The following CUL9 variants were observed in gnomAD, a reference collection of about 807,000 sequenced individuals.
CUL9 encodes the protein cullin 9, also known as cullin-9.
Under a neutral mutation model 272.6 loss-of-function variants are expected in CUL9, and 79 were observed. The observed-to-expected ratio is 0.29, with a 90% CI of 0.24 to 0.35. The LOEUF (loss-of-function observed/expected upper bound fraction) is 0.35, where lower values mean the gene tolerates loss of function less well. Ranked by LOEUF, CUL9 falls within the 10% of genes least tolerant of loss-of-function variation. The pLI, the probability that CUL9 is intolerant of heterozygous loss-of-function variation, is 1.00. For missense variants in CUL9, 2,532 were observed against 3,255.6 expected, an observed-to-expected ratio of 0.78 and a Z score of 5.41; for synonymous variants, 1,186 against 1,286.5, an observed-to-expected ratio of 0.92 and a Z score of 1.67.
intron 7 of CUL9, 100 bp downstream of exon 7, chr6:43,188,218 G>A: frequency 1.4e-6 from 2 of 1,398,676 alleles, no homozygotes; most frequent in Non-Finnish European, 1.9e-6. Context: ...GGAGGAAGGT[G>A]ATTTTTGCAG....
chr6:43,205,317 G>C lies in CUL9; in HGVS notation c.4687G>C (p.Gly1563Arg). The change falls in exon 24 of 41, where the codon GGT becomes CGT. Residue 1563 changes from glycine (G) to arginine (R), a missense_variant. Physicochemically the swap from Gly to Arg is moderately radical, Grantham distance 125 (BLOSUM62 -2). This residue lies in a region of CUL9 where 2,218 missense variants were observed against 2,788.6 expected (regional missense o/e 0.80). Coordinates refer to ENST00000252050, the MANE Select transcript of CUL9 (RefSeq NM_015089.4). ...IDQQIQGGLI[G>R]GAPGVEMLGQ... is the part of the protein sequence containing the mutation. ...CCAACAGATCCAGGGTGGCCTGATT[G>C]GTGGAGCCCCTGGAGTGGAAATGCT... The C allele has an allele frequency of 6.2e-7, 1 of 1,614,210 alleles. No individual in the cohort carries two copies. Among genetic ancestry groups the C allele is most frequent in the Non-Finnish European group, 8.5e-7 (1 of 1,180,044 alleles).
Position 43,222,764 on chromosome 6 carries a change from T to A in CUL9, c.7033-15T>A. On this transcript the variant is annotated splice_polypyrimidine_tract_variant and intron_variant, in intron 37 of 40. Coordinates refer to ENST00000252050, the MANE Select transcript of CUL9 (RefSeq NM_015089.4). Reference sequence around the variant, plus strand: ...AGGAGAGGGCAGGCGGGAGAGCTGATGGGAGCCCCTGCAGGTGCTGGCCTA... The same window carrying A: ...AGGAGAGGGCAGGCGGGAGAGCTGAAGGGAGCCCCTGCAGGTGCTGGCCTA... The A allele has an allele frequency of 6.2e-7, 1 of 1,612,316 alleles. No homozygotes were observed. The highest frequency in any genetic ancestry group is 8.5e-7 in the Non-Finnish European group (1 of 1,178,666).
In CUL9 at chr6:43,206,129, C is replaced by G; in HGVS notation, c.4916C>G (p.Thr1639Ser). 6.2e-7 allele frequency: 1 copy of G among 1,614,148 alleles called. No homozygotes were observed. The highest frequency in any genetic ancestry group is 1.3e-5 in the African/African-American group (1 of 75,024). Residue 1639 changes from threonine (T) to serine (S), a missense_variant, in exon 25 of 41, where the codon ACC (threonine) becomes AGC (serine). Thr to Ser is a moderately conservative substitution (Grantham distance 58, BLOSUM62 1). This residue lies in a region of CUL9 where 2,218 missense variants were observed against 2,788.6 expected (regional missense o/e 0.80). Transcript: ENST00000252050. This position sits in a 1 kb window ranked among gnomAD's most constrained non-coding sequence, Gnocchi z 4.8. The part of the protein sequence containing the change: ...LPQLMLQSLS[T>S]SEELQRQFHL... ...CAGCTGATGCTGCAGAGCCTGAGCACCTCTGAGGAGCTGCAGCGCCAGTTC... is the reference window on the plus strand; with the variant it reads ...CAGCTGATGCTGCAGAGCCTGAGCAGCTCTGAGGAGCTGCAGCGCCAGTTC...
chr6:43,214,451 C>T (rs963137676), intron 29 of CUL9, among the ~76,000 whole-genome samples: 10 of 152,068 alleles, frequency 6.6e-5, no homozygotes, highest in African/African-American at 2.2e-4. Flanking sequence ...ATCTTCACAA[C>T]AATCCTAGAA....
intron 24 of CUL9, 67 bp from the exon 25 acceptor site, chr6:43,205,940 C>A: frequency 7.1e-7 from 1 of 1,413,448 alleles, no homozygotes; most frequent in Non-Finnish European, 9.9e-7. Context: ...GACCTACATT[C>A]TCGAGGGGGA....
Position 43,184,542 on chromosome 6 carries a change from G to C in CUL9, c.232G>C (p.Gly78Arg). The C allele has an allele frequency of 1.2e-6, 2 of 1,612,942 alleles. No homozygotes were observed. Among genetic ancestry groups the C allele is most frequent in the Non-Finnish European group, 1.7e-6 (2 of 1,179,098 alleles). The stretch of plus-strand genomic sequence containing the variant: ...TCCTGAGGTCTACGCCAACTGCCCT[G>C]GGCTGTTAGGTGAGCGGGCACTATC... ...SAPEVYANCP[G>R]LLGERALSKG... Residue 78 changes from glycine (G) to arginine (R), a missense_variant, in exon 2 of 41, where the codon GGG becomes CGG. Gly to Arg is a moderately radical substitution (Grantham distance 125, BLOSUM62 -2). Transcript: ENST00000252050. The surrounding 1 kb of genome is among the most constrained non-coding windows in gnomAD (Gnocchi z 4.8).
chr6:43,202,703 T>C lies in CUL9; in HGVS notation c.3648-13T>C. On this transcript the variant is annotated splice_polypyrimidine_tract_variant and intron_variant, in intron 16 of 40. Transcript: ENST00000252050. ...GAGGCCCAGCTTTGACTGTTTCCTT[T>C]CTTCTTTCCCAGGCAGCTCACTTTG... 1 of 1,612,866 alleles carries C rather than the reference T, an allele frequency of 6.2e-7. No homozygotes were observed. Among genetic ancestry groups the C allele is most frequent in the Non-Finnish European group, 8.5e-7 (1 of 1,178,910 alleles).
rs539870137 is a variant in CUL9, at chr6:43,186,295, G to A, written c.1091G>A (p.Arg364His). 34 of 1,614,178 alleles carry A rather than the reference G, an allele frequency of 2.1e-5. No individual in the cohort carries two copies. In the East Asian group the frequency reaches 2.7e-4, roughly 13 times the overall value. The change falls in exon 4 of 41, where the codon CGC becomes CAC. Residue 364 changes from arginine (R) to histidine (H), a missense_variant. Coordinates refer to ENST00000252050, the MANE Select transcript of CUL9 (RefSeq NM_015089.4). ...TTPRRQGWVFRQRSEFSSRSG... is the reference protein window; with the variant it reads ...TTPRRQGWVFHQRSEFSSRSG... ...CCCAGAAGACAAGGGTGGGTCTTCCGCCAGCGCTCTGAATTCTCCAGCCGT... is the reference window on the plus strand; with the variant it reads ...CCCAGAAGACAAGGGTGGGTCTTCCACCAGCGCTCTGAATTCTCCAGCCGT...
intron 37 of CUL9, 51 bp downstream of exon 37, chr6:43,222,692 T>A: frequency 6.2e-7 from 1 of 1,605,186 alleles, no homozygotes; most frequent in Non-Finnish European, 8.5e-7. Flanking sequence ...CAAATGGGTC[T>A]GGGGGGCTTG....
Position 43,200,899 on chromosome 6 carries a change from C to T in CUL9, c.3647+65C>T. The T allele has an allele frequency of 6.3e-7, 1 of 1,591,670 alleles. No homozygotes were observed. The highest frequency in any genetic ancestry group is 1.3e-5 in the African/African-American group (1 of 74,726). ...GATACTTCCCCAAAGCACCCAGATA[C>T]ACACAACCCCAGCTATAACCCCAAT... On this transcript the variant is annotated intron_variant, in intron 16 of 40. Transcript: ENST00000252050. This position sits in a 1 kb window ranked among gnomAD's most constrained non-coding sequence, Gnocchi z 4.0.
At chr6:43,186,843 T>C in intron 4 of CUL9, 117 bp from the exon 5 acceptor site, 1 of 1,273,072 alleles carries the variant, frequency 7.9e-7, no homozygotes, top group Non-Finnish European at 1.1e-6. Flanking sequence ...GCCAGGTGTG[T>C]ATCTGAGGGT....
At chr6:43,182,726 A>C (rs1772520715) in intron 1 of CUL9, among the ~76,000 whole-genome samples, 1 of 149,014 alleles carries the variant, frequency 6.7e-6, no homozygotes, top group African/African-American at 2.5e-5. Context: ...CCTCCTCTTC[A>C]CCTCTACTCT....
chr6:43,203,463 A>G lies in CUL9; in HGVS notation c.3896A>G (p.Lys1299Arg). The change falls in exon 19 of 41, where the codon AAG becomes AGG. Residue 1299 changes from lysine (K) to arginine (R), a missense_variant. By Grantham distance (26) the Lys-to-Arg change is conservative. This residue lies in a region of CUL9 where 2,218 missense variants were observed against 2,788.6 expected (regional missense o/e 0.80). Coordinates refer to ENST00000252050, the MANE Select transcript of CUL9 (RefSeq NM_015089.4). The surrounding 1 kb of genome is among the most constrained non-coding windows in gnomAD (Gnocchi z 5.0). ...CGGGGTGTGGAGGTCCTGGGCCCTA[A>G]GCCCACATTCTGGCCACTGTTCCGG... is the stretch of plus-strand genomic sequence containing the variant. ...RVRGVEVLGP[K>R]PTFWPLFREQ... The G allele has an allele frequency of 6.2e-7, 1 of 1,614,160 alleles. No homozygotes were observed. The highest frequency in any genetic ancestry group is 1.1e-5 in the South Asian group (1 of 91,084).
chr6:43,202,891 A>G, intron 17 of CUL9, 70 bp downstream of exon 17: 1 of 1,459,430 alleles, frequency 6.9e-7, no homozygotes, highest in South Asian at 1.1e-5. Context: ...TGTGGGAAGG[A>G]CCTAGTCCCT....
Position 43,184,443 on chromosome 6 carries a change from C to T in CUL9, c.133C>T (p.Leu45=), listed in dbSNP as rs1180514467. The T allele has an allele frequency of 4.3e-6, 7 of 1,613,708 alleles. No homozygotes were observed. Among genetic ancestry groups the T allele is most frequent in the Non-Finnish European group, 5.9e-6 (7 of 1,179,896 alleles). ...HPEYLIRWSV[L]KCGEVGKVGV... The stretch of plus-strand genomic sequence containing the variant: ...TGAATACCTGATCCGATGGAGTGTC[C>T]TGAAGTGTGGGGAAGTGGGCAAAGT... Residue 45 remains leucine (L), a synonymous_variant, in exon 2 of 41, where the codon CTG becomes TTG. Coordinates refer to ENST00000252050, the MANE Select transcript of CUL9 (RefSeq NM_015089.4). This position sits in a 1 kb window ranked among gnomAD's most constrained non-coding sequence, Gnocchi z 4.8.
chr6:43,221,189 C>T lies in CUL9; in HGVS notation c.6620C>T (p.Ser2207Phe), dbSNP rs958314512. ...TACCCTGCTAGCTGTGGCCATATGT[C>T]TCAGTGGGTCGACGACGGTGGCTAC... ...AHYPASCGHM[S>F]QWVDDGGYYD... The change falls in exon 34 of 41, where the codon TCT (serine) becomes TTT (phenylalanine). Residue 2207 changes from serine to phenylalanine, a missense_variant. This residue lies in a region of CUL9 where 77 missense variants were observed against 161.1 expected (regional missense o/e 0.48). Coordinates refer to ENST00000252050, the MANE Select transcript of CUL9 (RefSeq NM_015089.4). The surrounding 1 kb of genome is among the most constrained non-coding windows in gnomAD (Gnocchi z 4.2). The T allele has an allele frequency of 6.2e-7, 1 of 1,611,436 alleles. No homozygotes were observed. The highest frequency in any genetic ancestry group is 1.3e-5 in the African/African-American group (1 of 74,918).
intron 31 of CUL9, among the ~76,000 whole-genome samples, chr6:43,219,466 G>C (rs887266890): frequency 6.6e-6 from 1 of 152,182 alleles, no homozygotes; most frequent in Non-Finnish European, 1.5e-5. Context: ...TCTGAATTCA[G>C]AGAAAATTTT....
At chr6:43,185,280 T>C (rs773396773) in intron 2 of CUL9, among the ~76,000 whole-genome samples, 176 bp from the exon 3 acceptor site, 1 of 152,226 alleles carries the variant, frequency 6.6e-6, no homozygotes, top group Non-Finnish European at 1.5e-5. Flanking sequence ...GCATAAAATA[T>C]ATGTTTCAGT....
Position 43,184,658 on chromosome 6 carries a change from G to T in CUL9, c.348G>T (p.Glu116Asp), listed in dbSNP as rs764024686. Reference protein sequence around the residue: ...GLDEVAMGEMEADVQALVRRA... With the variant: ...GLDEVAMGEMDADVQALVRRA... Reference sequence around the variant, plus strand: ...ATGAAGTGGCAATGGGAGAGATGGAGGCTGATGTTCAGGCGCTGGTACGCA... The same window carrying T: ...ATGAAGTGGCAATGGGAGAGATGGATGCTGATGTTCAGGCGCTGGTACGCA... Residue 116 changes from glutamate to aspartate, a missense_variant, in exon 2 of 41, where the codon GAG (glutamate) becomes GAT (aspartate). Glu to Asp is a conservative substitution (Grantham distance 45). Coordinates refer to ENST00000252050, the MANE Select transcript of CUL9 (RefSeq NM_015089.4). This position sits in a 1 kb window ranked among gnomAD's most constrained non-coding sequence, Gnocchi z 4.8. 4.3e-6 allele frequency: 7 copies of T among 1,611,752 alleles called. No individual in the cohort carries two copies. Among genetic ancestry groups the T allele is most frequent in the African/African-American group, 2.7e-5 (2 of 75,038 alleles).
Sources: gnomAD v4.1 joint callset for allele counts (sites outside exome capture counted in the v4.1 genomes callset) on GRCh38, gnomAD v4.1.1 for gene constraint, gnomAD v4.1.1 regional missense constraint, Gnocchi (gnomAD v3.1) non-coding constraint, MANE v1.5 for transcripts, NCBI Gene and HGNC (gene_info 2026-07-23, HGNC 2026-07-21) for gene names.